DHODH: variants seen among roughly 807,000 people sequenced by gnomAD.
DHODH encodes the protein dihydroorotate dehydrogenase (quinone), mitochondrial.
Under a neutral mutation model 39.7 loss-of-function variants are expected in DHODH, and 30 were observed. The ratio of observed to expected loss-of-function variants is 0.76; its 90% CI spans 0.57 to 1.02. The LOEUF (loss-of-function observed/expected upper bound fraction) is 1.02, where lower values mean the gene tolerates loss of function less well. Ranked by LOEUF, DHODH falls within the 50% of genes least tolerant of loss-of-function variation. DHODH has a pLI of 0.00. For synonymous variants in DHODH, 222 were observed against 213.8 expected (o/e 1.04, Z -0.34); for missense variants, 531 against 520.8 (o/e 1.02, Z -0.19).
Position 72,025,463 on chromosome 16 carries a change from T to G in DHODH, c.*1264T>G, listed in dbSNP as rs372386595. ...TGGCATGGTTCATGCTGGGCCTCGGTCTTTTGAGTGGGGTCTGTTTACCCA... is the reference window on the plus strand; with the variant it reads ...TGGCATGGTTCATGCTGGGCCTCGGGCTTTTGAGTGGGGTCTGTTTACCCA... On this transcript the variant is annotated 3_prime_UTR_variant, in exon 9 of 9. Transcript: ENST00000219240. 1.3e-5 allele frequency: 2 copies of G among 152,302 alleles called. No individual in the cohort carries two copies. The highest frequency in any genetic ancestry group is 4.8e-5 in the African/African-American group (2 of 41,548). The allele number at this position is 152,302 out of a possible 1,614,324, so 9.4% of individuals were successfully genotyped here.
chr16:72,021,720 T>G (rs1051215804), intron 5 of DHODH, among the ~76,000 whole-genome samples: 3 of 152,200 alleles, frequency 2.0e-5, no homozygotes, highest in African/African-American at 4.8e-5. Flanking sequence ...ACCAGCACTA[T>G]GGGAGGCCAA....
intron 4 of DHODH, among the ~76,000 whole-genome samples, chr16:72,020,035 T>C (rs2041186190): frequency 6.6e-6 from 1 of 151,888 alleles, no homozygotes; most frequent in Admixed American, 6.6e-5. Flanking sequence ...CCCAGCACTT[T>C]GGGAGGCTGA....
rs750079059 is a variant in DHODH at position 72,021,316 on chromosome 16, G to T, written c.705+5G>T. ...CTGCGCCGCCTGCTGACCAAGGTGG[G>T]CAGCTGCACCCCTCTCCAGGCCCTG... On this transcript the variant is annotated splice_donor_5th_base_variant and intron_variant, in intron 5 of 8. Coordinates refer to ENST00000219240, the MANE Select transcript of DHODH (RefSeq NM_001361.5). 1 of 1,598,990 alleles carries T rather than the reference G, an allele frequency of 6.3e-7. No individual in the cohort carries two copies. The highest frequency in any genetic ancestry group is 8.5e-7 in the Non-Finnish European group (1 of 1,175,594).
chr16:72,023,632 AAGTG>A lies in DHODH; in HGVS notation c.1133+6_1133+9del. 1 of 1,613,780 alleles carries A rather than the reference AAGTG, an allele frequency of 6.2e-7. No individual in the cohort carries two copies. Among genetic ancestry groups the A allele is most frequent in the Non-Finnish European group, 8.5e-7 (1 of 1,180,028 alleles). ...CAAGCGGGAACTGGAGGCCCTTCTG[AAGTG>A]AGTGAGGTCATGTGTGGCTTGAAAC... is the stretch of plus-strand genomic sequence containing the variant. On this transcript the variant is annotated splice_donor_variant and splice_donor_region_variant and coding_sequence_variant and intron_variant, in exon 8 of 9. Coordinates refer to ENST00000219240, the MANE Select transcript of DHODH (RefSeq NM_001361.5). LOFTEE classifies it high-confidence loss of function.
intron 2 of DHODH, among the ~76,000 whole-genome samples, chr16:72,012,978 A>G (rs972386111): frequency 2.6e-5 from 4 of 152,158 alleles, no homozygotes; most frequent in African/African-American, 9.7e-5. Context: ...CCCCATCCTC[A>G]TGGAAGCTGC....
chr16:72,009,141 C>G (rs1020832860), intron 1 of DHODH: 3 of 1,150,082 alleles, frequency 2.6e-6, no homozygotes, highest in Non-Finnish European at 3.2e-6. Context: ...GCTCCCAACC[C>G]TTTTAGGTAA....
chr16:72,024,357 A>C lies in DHODH; in HGVS notation c.*158A>C, dbSNP rs2144006834. The C allele has an allele frequency of 2.6e-6, 2 of 755,284 alleles. No individual in the cohort carries two copies. The highest frequency in any genetic ancestry group is 3.6e-4 in the Middle Eastern group (1 of 2,780). 46.8% of individuals were successfully genotyped at this position (755,284 alleles called of 1,614,324 possible). A position where few individuals can be genotyped will look rare whatever the true frequency, so the allele number is the denominator to read the frequency against. ...GCCAATCGGGGGGTCACCAGGATCA[A>C]CCGCAGGCTTTCTTCAGTCCCTTGG... is the stretch of plus-strand genomic sequence containing the variant. On this transcript the variant is annotated 3_prime_UTR_variant, in exon 9 of 9. Coordinates refer to ENST00000219240, the MANE Select transcript of DHODH (RefSeq NM_001361.5).
At chr16:72,010,288 C>T (rs1207394410) in intron 1 of DHODH, among the ~76,000 whole-genome samples, 1 of 152,192 alleles carries the variant, frequency 6.6e-6, no homozygotes, top group Non-Finnish European at 1.5e-5. Context: ...CTCCGTACTG[C>T]CTTCTGGTTA....
intron 1 of DHODH, among the ~76,000 whole-genome samples, chr16:72,010,078 GT>G (rs1295992802): frequency 6.6e-6 from 1 of 152,236 alleles, no homozygotes; most frequent in Non-Finnish European, 1.5e-5. Flanking sequence ...GTCTTTAGCA[GT>G]TTGGAAGGAT....
intron 1 of DHODH, among the ~76,000 whole-genome samples, chr16:72,010,962 G>C (rs999039991): frequency 6.6e-6 from 1 of 152,100 alleles, no homozygotes; most frequent in Non-Finnish European, 1.5e-5. Flanking sequence ...CTGAGCTCAA[G>C]CAGTCCTCCC....
Position 72,025,781 on chromosome 16 carries a change from G to A in DHODH, c.*1582G>A, listed in dbSNP as rs908925965. On this transcript the variant is annotated 3_prime_UTR_variant, in exon 9 of 9. Transcript: ENST00000219240. ...TGTTCAAAGCTACCCTGTGAGGCCTGAAGACAGAGCTGCCCTGAAGGCAGC... is the reference window on the plus strand; with the variant it reads ...TGTTCAAAGCTACCCTGTGAGGCCTAAAGACAGAGCTGCCCTGAAGGCAGC... 1 of 152,344 alleles carries A rather than the reference G, an allele frequency of 6.6e-6. No homozygotes were observed. The allele number at this position is 152,344 out of a possible 1,614,324, so 9.4% of individuals were successfully genotyped here.
At chr16:72,009,202 G>A in intron 1 of DHODH, 1 of 991,764 alleles carries the variant, frequency 1.0e-6, no homozygotes, top group South Asian at 3.3e-5. Flanking sequence ...CTGTATCCCC[G>A]TATGTAATAG....
At chr16:72,015,337 C>T (rs936500867) in intron 3 of DHODH, among the ~76,000 whole-genome samples, 4 of 152,358 alleles carry the variant, frequency 2.6e-5, no homozygotes, top group African/African-American at 9.6e-5. Flanking sequence ...TATTGGCTAG[C>T]ACAGCCCCAG....
intron 4 of DHODH, 42 bp downstream of exon 4, chr16:72,017,148 G>C (rs1344314217): frequency 2.5e-6 from 4 of 1,582,762 alleles, no homozygotes; most frequent in South Asian, 2.2e-5. Flanking sequence ...TATTTATTAG[G>C]AGGAAACGTG....
At chr16:72,019,340 G>C (rs2041178087) in intron 4 of DHODH, among the ~76,000 whole-genome samples, 1 of 152,170 alleles carries the variant, frequency 6.6e-6, no homozygotes, top group Admixed American at 6.5e-5. Flanking sequence ...GCGAGAGTGT[G>C]ATTGGGGTTG....
chr16:72,022,093 C>CAAAA (rs57957042), intron 5 of DHODH, among the ~76,000 whole-genome samples: 7 of 86,044 alleles, frequency 8.1e-5, no homozygotes, highest in Non-Finnish European at 1.2e-4. Context: ...GACCTTGTCT[C>CAAAA]AAAAAAAAAA....
At chr16:72,019,409 T>A (rs773395432) in intron 4 of DHODH, among the ~76,000 whole-genome samples, 6 of 152,182 alleles carry the variant, frequency 3.9e-5, no homozygotes, top group Non-Finnish European at 8.8e-5. Context: ...GACAACACAT[T>A]TTGTGAGCTA....
chr16:72,014,964 T>C (rs2041125781), intron 3 of DHODH, among the ~76,000 whole-genome samples: 1 of 152,218 alleles, frequency 6.6e-6, no homozygotes, highest in South Asian at 2.1e-4. Flanking sequence ...GGCCTGGGCT[T>C]ATTGGACTTG....
At position 72,024,261 on chromosome 16, in the gene DHODH, G is replaced by A. The variant is rs2041256306; in HGVS notation, c.*62G>A. 8 of 1,580,268 alleles carry A rather than the reference G, an allele frequency of 5.1e-6. No individual in the cohort carries two copies. Among genetic ancestry groups the A allele is most frequent in the South Asian group, 4.4e-5 (4 of 90,260 alleles). On this transcript the variant is annotated 3_prime_UTR_variant, in exon 9 of 9. Transcript: ENST00000219240. ...CCCAAGGACTCAGGCAAGCCTTTGT[G>A]GCTGGATCATGAGAGGAGGGACTCC...
Sources: allele counts gnomAD v4.1 joint callset (sites outside exome capture counted in the v4.1 genomes callset), GRCh38; gene constraint gnomAD v4.1.1; transcripts MANE v1.5; gene names NCBI Gene and HGNC (gene_info 2026-07-23, HGNC 2026-07-21).